CREB1: variants seen among roughly 807,000 people sequenced by gnomAD.
The protein encoded by CREB1 is cAMP responsive element binding protein 1.
CREB1 carries 2 observed loss-of-function variants against 42.0 expected under a neutral mutation model. That is an observed-to-expected ratio of 0.05 (90% confidence interval 0.02 to 0.15). The LOEUF (loss-of-function observed/expected upper bound fraction) is 0.15. CREB1 is among the 10% of genes least tolerant of loss of function. The pLI, the probability that CREB1 is intolerant of heterozygous loss-of-function variation, is 1.00. For synonymous variants in CREB1, 123 were observed against 139.9 expected (o/e 0.88, Z 0.85); for missense variants, 199 against 388.9 (o/e 0.51, Z 4.11).
rs1481315278 is a variant in CREB1 at position 207,603,786 on chromosome 2, CTG to C, written c.*6731_*6732del. Among the ~76,000 whole-genome samples the C allele has an allele frequency of 2.6e-5, 4 of 152,042 alleles. No individual in the cohort carries two copies. Among genetic ancestry groups the C allele is most frequent in the Admixed American group, 1.3e-4 (2 of 15,258 alleles). On this transcript the variant is annotated 3_prime_UTR_variant, in exon 8 of 8. Coordinates refer to ENST00000353267, the MANE Select transcript of CREB1 (RefSeq NM_004379.5). Reference sequence around the variant, plus strand: ...CAGGTCCCCTTGCAATTCTAAAACTCTGTGATCATATAAATTGGAAGGAAAGG... The same window carrying C: ...CAGGTCCCCTTGCAATTCTAAAACTCTGATCATATAAATTGGAAGGAAAGG...
rs766136030 is a variant in CREB1, at chr2:207,598,348, G to GTA, written c.*1293_*1294dup. ...TTCTGCTTTAGCTTTCCAATATGCT[G>GTA]TATAGCCTTTGTCATTTTATAATTT... On this transcript the variant is annotated 3_prime_UTR_variant, in exon 8 of 8. Coordinates refer to ENST00000353267, the MANE Select transcript of CREB1 (RefSeq NM_004379.5). 1.6e-5 allele frequency: 3 copies of GTA among 184,058 alleles called. No individual in the cohort carries two copies. The South Asian group carries it at 5.9e-4, about 36-fold the overall frequency. The allele number at this position is 184,058 out of a possible 1,614,324, so 11.4% of individuals were successfully genotyped here.
chr2:207,533,168 C>G (rs1473637647), intron 1 of CREB1, among the ~76,000 whole-genome samples: 2 of 150,686 alleles, frequency 1.3e-5, no homozygotes, highest in South Asian at 4.2e-4. Context: ...GTTAAAAGAA[C>G]ACTTCTTTGG....
intron 1 of CREB1, among the ~76,000 whole-genome samples, chr2:207,551,127 C>T (rs2081488040): frequency 6.6e-6 from 1 of 152,160 alleles, no homozygotes; most frequent in South Asian, 2.1e-4. Flanking sequence ...CTTATCAATA[C>T]TGTATTCATC....
At chr2:207,537,227 CA>C (rs1440320964) in intron 1 of CREB1, among the ~76,000 whole-genome samples, 7 of 151,888 alleles carry the variant, frequency 4.6e-5, no homozygotes. Context: ...GCTAAAGAGA[CA>C]GGGTTTCACC....
intron 7 of CREB1, among the ~76,000 whole-genome samples, chr2:207,586,841 G>T (rs943872804): frequency 6.6e-6 from 1 of 152,174 alleles, no homozygotes; most frequent in Non-Finnish European, 1.5e-5. Context: ...CCACAATGAA[G>T]TATCATTAGA....
intron 1 of CREB1, among the ~76,000 whole-genome samples, chr2:207,553,620 TTGTA>T (rs1559277322): frequency 6.6e-6 from 1 of 152,206 alleles, no homozygotes; most frequent in East Asian, 1.9e-4. Flanking sequence ...TTAAAAAACT[TTGTA>T]TGCATCTCAA....
chr2:207,587,132 G>A (rs1375802756), intron 7 of CREB1, among the ~76,000 whole-genome samples: 1 of 152,086 alleles, frequency 6.6e-6, no homozygotes, highest in African/African-American at 2.4e-5. Flanking sequence ...GGTGGCTCAC[G>A]CCTGTAATCC....
In CREB1 at chr2:207,564,535, A is replaced by AT. The variant is rs532979972; in HGVS notation, c.262-2928_262-2927insT. 1.5e-3 allele frequency among the ~76,000 whole-genome samples: 235 copies of AT among 152,140 alleles called. 1 individual carries two copies. The highest frequency in any genetic ancestry group is 2.7e-3 in the Non-Finnish European group (181 of 67,976). On this transcript the variant is annotated intron_variant, in intron 3 of 7. Coordinates refer to ENST00000353267, the MANE Select transcript of CREB1 (RefSeq NM_004379.5). ...TAAAAAAAAAAAATCTTAAAAAAAA[A>AT]ATATATATCCAAACCATGAGTCTCA... is the stretch of plus-strand genomic sequence containing the variant.
At chr2:207,544,129 G>A (rs1179569159) in intron 1 of CREB1, among the ~76,000 whole-genome samples, 12 of 151,628 alleles carry the variant, frequency 7.9e-5, no homozygotes, top group African/African-American at 2.2e-4. Context: ...CTGTGGTCTC[G>A]ATCTTCTGAC....
At chr2:207,533,286 C>T (rs2080730073) in intron 1 of CREB1, among the ~76,000 whole-genome samples, 2 of 151,976 alleles carry the variant, frequency 1.3e-5, no homozygotes, top group African/African-American at 4.8e-5. Context: ...CCTTTTTCTA[C>T]TTTCTGAAAC....
intron 1 of CREB1, among the ~76,000 whole-genome samples, chr2:207,536,215 T>C (rs2080864048): frequency 6.6e-6 from 1 of 152,164 alleles, no homozygotes; most frequent in African/African-American, 2.4e-5. Context: ...ATTAATAATA[T>C]AGCAGCAAGG....
intron 7 of CREB1, among the ~76,000 whole-genome samples, chr2:207,580,250 A>G (rs375378292): frequency 3.9e-5 from 6 of 152,184 alleles, no homozygotes; most frequent in African/African-American, 1.4e-4. Context: ...ACCTGTAAAC[A>G]TGCTACTTCA....
At chr2:207,538,908 A>G (rs1250424839) in intron 1 of CREB1, among the ~76,000 whole-genome samples, 1 of 152,214 alleles carries the variant, frequency 6.6e-6, no homozygotes, top group Non-Finnish European at 1.5e-5. Context: ...TAATTTACCC[A>G]AGGTTAAATA....
At chr2:207,561,208 G>A (rs756206958) in intron 3 of CREB1, 3 of 1,474,278 alleles carry the variant, frequency 2.0e-6, no homozygotes, top group Admixed American at 3.7e-5. Context: ...TAGAAAGGAA[G>A]GTGAGAAATT....
chr2:207,548,262 T>G (rs2081371769), intron 1 of CREB1, among the ~76,000 whole-genome samples: 1 of 152,140 alleles, frequency 6.6e-6, no homozygotes, highest in African/African-American at 2.4e-5. Flanking sequence ...GTTAAATACT[T>G]CCTTCAAGAA....
Position 207,603,915 on chromosome 2 carries a change from TAAGC to T in CREB1, c.*6859_*6862del, listed in dbSNP as rs1405780352. Among the ~76,000 whole-genome samples, 2 of 152,168 alleles carry T rather than the reference TAAGC, an allele frequency of 1.3e-5. No homozygotes were observed. Among genetic ancestry groups the T allele is most frequent in the Admixed American group, 6.5e-5 (1 of 15,274 alleles). ...AGTTCTGAGACGAGACATCTGAAAA[TAAGC>T]AGCTGCATTATTTGTATGTTTCTTC... On this transcript the variant is annotated 3_prime_UTR_variant, in exon 8 of 8. Coordinates refer to ENST00000353267, the MANE Select transcript of CREB1 (RefSeq NM_004379.5).
chr2:207,536,321 G>A (rs1440432165), intron 1 of CREB1, among the ~76,000 whole-genome samples: 1 of 152,142 alleles, frequency 6.6e-6, no homozygotes, highest in African/African-American at 2.4e-5. Flanking sequence ...TTGGGAGGCT[G>A]AGGTAGGTGG....
At chr2:207,566,367 A>G (rs2082140211) in intron 3 of CREB1, among the ~76,000 whole-genome samples, 1 of 152,226 alleles carries the variant, frequency 6.6e-6, no homozygotes, top group African/African-American at 2.4e-5. Context: ...TTGGTTAAGT[A>G]TAATTCTTAC....
At chr2:207,577,759 A>ATT in intron 7 of CREB1, 104 bp downstream of exon 7, 5 of 1,352,316 alleles carry the variant, frequency 3.7e-6, no homozygotes, top group East Asian at 2.6e-5. Context: ...TTTGCATTGA[A>ATT]TTTTTTTTTT....
Sources: gnomAD v4.1 joint callset for allele counts (sites outside exome capture counted in the v4.1 genomes callset) on GRCh38, gnomAD v4.1.1 for gene constraint, MANE v1.5 for transcripts, NCBI Gene and HGNC (gene_info 2026-07-23, HGNC 2026-07-21) for gene names.